PCDHGA5: variants seen among roughly 807,000 people sequenced by gnomAD.
The protein encoded by PCDHGA5 is protocadherin gamma subfamily A, 5, also known as protocadherin gamma-A5.
Under a neutral mutation model 56.7 loss-of-function variants are expected in PCDHGA5, and 36 were observed. The observed-to-expected ratio is 0.64, with a 90% CI of 0.49 to 0.84. PCDHGA5 has a LOEUF of 0.84. PCDHGA5 is among the 40% of genes least tolerant of loss of function. The pLI is 0.00. For synonymous variants in PCDHGA5, 563 were observed against 520.2 expected (o/e 1.08, Z -1.12); for missense variants, 1,305 against 1,201.5 (o/e 1.09, Z -1.27).
intron 1 of PCDHGA5, chr5:141,385,394 C>T: frequency 1.3e-5 from 19 of 1,499,976 alleles, no homozygotes; most frequent in Non-Finnish European, 1.7e-5. Context: ...TTTTGCAAAA[C>T]AAATGTTTTG....
At chr5:141,448,573 A>AT (rs976781630) in intron 1 of PCDHGA5, among the ~76,000 whole-genome samples, 10 of 151,772 alleles carry the variant, frequency 6.6e-5, no homozygotes, top group East Asian at 5.8e-4. Flanking sequence ...TTATTTCCCC[A>AT]TTTTTTTTAC....
At position 141,493,444 on chromosome 5, in the gene PCDHGA5, G is replaced by T. The variant is rs2099748313; in HGVS notation, c.2422-1363G>T. On this transcript the variant is annotated intron_variant, in intron 1 of 3. Transcript: ENST00000518069. This position sits in a 1 kb window ranked among gnomAD's most constrained non-coding sequence, Gnocchi z 4.3. ...GCTTCTGCTGGGATGGGGCAAGGGT[G>T]GGGTTCCTTCCCTTTTAGGACCTTA... Among the ~76,000 whole-genome samples, 1 of 152,174 alleles carries T rather than the reference G, an allele frequency of 6.6e-6. No homozygotes were observed. Among genetic ancestry groups the T allele is most frequent in the South Asian group, 2.1e-4 (1 of 4,826 alleles).
Position 141,476,949 on chromosome 5 carries a change from A to G in PCDHGA5, c.2422-17858A>G. The stretch of plus-strand genomic sequence containing the variant: ...GATCTGGATGAAGGCCCCAACGGTG[A>G]AATTATTTACTCCTTCGGCAGCCAC... On this transcript the variant is annotated intron_variant, in intron 1 of 3. Transcript: ENST00000518069. The surrounding 1 kb of genome is among the most constrained non-coding windows in gnomAD (Gnocchi z 7.6). 6.2e-7 allele frequency: 1 copy of G among 1,614,200 alleles called. No individual in the cohort carries two copies. Among genetic ancestry groups the G allele is most frequent in the Admixed American group, 1.7e-5 (1 of 60,038 alleles).
At chr5:141,483,258 T>G (rs2099579023) in intron 1 of PCDHGA5, among the ~76,000 whole-genome samples, 1 of 137,930 alleles carries the variant, frequency 7.3e-6, no homozygotes, top group South Asian at 2.1e-4. Flanking sequence ...TCATGAGGTT[T>G]TTTTGTTTTA....
intron 1 of PCDHGA5, chr5:141,393,809 A>G (rs566306926): frequency 1.9e-6 from 3 of 1,613,982 alleles, no homozygotes; most frequent in African/African-American, 1.3e-5. Context: ...GGAGGACCAA[A>G]TTGCTCATTT....
In PCDHGA5 at chr5:141,375,335, T is replaced by A. The variant is rs781205937; in HGVS notation, c.2421+8584T>A. On this transcript the variant is annotated intron_variant, in intron 1 of 3. Transcript: ENST00000518069. ...TCTAGACCGGGAAGAGGTATTCTTG[T>A]ACAACATCACTGTGACAGCCACGGA... is the stretch of plus-strand genomic sequence containing the variant. 1.7e-5 allele frequency: 27 copies of A among 1,613,694 alleles called. No homozygotes were observed. The Admixed American group carries it at 3.8e-4, about 23-fold the overall frequency.
At chr5:141,384,882 C>A in intron 1 of PCDHGA5, 1 of 1,613,872 alleles carries the variant, frequency 6.2e-7, no homozygotes, top group South Asian at 1.1e-5. Context: ...TCACACTCAC[C>A]GTGGCTGTGG....
At chr5:141,407,625 T>C (rs1354209573) in intron 1 of PCDHGA5, among the ~76,000 whole-genome samples, 2 of 152,220 alleles carry the variant, frequency 1.3e-5, no homozygotes, top group African/African-American at 4.8e-5. Context: ...ACATTCTATA[T>C]CTCGTATTAC....
chr5:141,489,610 C>G lies in PCDHGA5; in HGVS notation c.2422-5197C>G, dbSNP rs142775705. 3,083 of 1,614,088 alleles carry G rather than the reference C, an allele frequency of 1.9e-3. 6 individuals are homozygous for G. Among genetic ancestry groups the G allele is most frequent in the Non-Finnish European group, 2.4e-3 (2,793 of 1,179,988 alleles). ...GCTAATCCGTGTAGAGGTAGAGATC[C>G]TGGATCTCAATGACAACTCTCCTAG... On this transcript the variant is annotated intron_variant, in intron 1 of 3. Transcript: ENST00000518069. The surrounding 1 kb of genome is among the most constrained non-coding windows in gnomAD (Gnocchi z 4.5).
At position 141,427,172 on chromosome 5, in the gene PCDHGA5, TG is replaced by T. The variant is rs757372749; in HGVS notation, c.2421+60425del. ...ATATGTTTGTGCTAGACCATCAAAA[TG>T]GGGAAATTAAATCCAAAGACTTAAT... On this transcript the variant is annotated intron_variant, in intron 1 of 3. Coordinates refer to ENST00000518069, the MANE Select transcript of PCDHGA5 (RefSeq NM_018918.3). The T allele has an allele frequency of 3.9e-5, 18 of 456,596 alleles. 1 individual carries two copies. The highest frequency in any genetic ancestry group is 2.6e-4 in the South Asian group (17 of 64,568). 28.3% of individuals were successfully genotyped at this position (456,596 alleles called of 1,614,324 possible). A position where few individuals can be genotyped will look rare whatever the true frequency, so the allele number is the denominator to read the frequency against.
chr5:141,447,257 A>G (rs1182682161), intron 1 of PCDHGA5, among the ~76,000 whole-genome samples: 1 of 152,080 alleles, frequency 6.6e-6, no homozygotes, highest in Non-Finnish European at 1.5e-5. Flanking sequence ...CTTCTGTCTC[A>G]GCCTCCCAAG....
At chr5:141,438,607 T>C (rs924136790) in intron 1 of PCDHGA5, among the ~76,000 whole-genome samples, 2 of 27,412 alleles carry the variant, frequency 7.3e-5, no homozygotes. Flanking sequence ...TATATATATA[T>C]ATATATATAT....
Position 141,486,683 on chromosome 5 carries a change from G to T in PCDHGA5, c.2422-8124G>T. The T allele has an allele frequency of 6.2e-7, 1 of 1,614,092 alleles. No homozygotes were observed. Among genetic ancestry groups the T allele is most frequent in the Non-Finnish European group, 8.5e-7 (1 of 1,180,026 alleles). ...GGAGCCCAGGAATCGAGATGTATCA[G>T]CTTCCTCTTTCATCTCTCTGAACCC... On this transcript the variant is annotated intron_variant, in intron 1 of 3. Transcript: ENST00000518069. This position sits in a 1 kb window ranked among gnomAD's most constrained non-coding sequence, Gnocchi z 5.0.
chr5:141,393,465 G>T, intron 1 of PCDHGA5: 1 of 1,614,048 alleles, frequency 6.2e-7, no homozygotes, highest in Non-Finnish European at 8.5e-7. Context: ...CTCGGATGGC[G>T]GCAAGCCGCC....
intron 1 of PCDHGA5, among the ~76,000 whole-genome samples, chr5:141,458,336 GA>G (rs762646440): frequency 1.3e-5 from 2 of 152,118 alleles, no homozygotes; most frequent in Non-Finnish European, 2.9e-5. Context: ...TGGTTTTAAG[GA>G]GTGGAGAGTT....
intron 1 of PCDHGA5, chr5:141,418,426 C>A: frequency 6.2e-7 from 1 of 1,613,948 alleles, no homozygotes; most frequent in South Asian, 1.1e-5. Flanking sequence ...CTGATGGTGG[C>A]AAATATCCAG....
intron 1 of PCDHGA5, chr5:141,395,508 A>T: frequency 2.2e-6 from 1 of 461,184 alleles, no homozygotes. Context: ...CTTAAGAAGT[A>T]GCTACCCGTC....
chr5:141,383,144 G>A (rs1306014093), intron 1 of PCDHGA5: 19 of 1,614,132 alleles, frequency 1.2e-5, no homozygotes, highest in Non-Finnish European at 1.4e-5. Flanking sequence ...CAGCGCAGCG[G>A]CAGCTTGGTC....
At position 141,404,352 on chromosome 5, in the gene PCDHGA5, G is replaced by A. The variant is rs1378093484; in HGVS notation, c.2421+37601G>A. 1.7e-5 allele frequency: 27 copies of A among 1,613,812 alleles called. No individual in the cohort carries two copies. The South Asian group carries it at 2.9e-4, about 17-fold the overall frequency. On this transcript the variant is annotated intron_variant, in intron 1 of 3. Coordinates refer to ENST00000518069, the MANE Select transcript of PCDHGA5 (RefSeq NM_018918.3). ...GTCTACCTCCCGGAAAACAACGCCAGAGGTACTTCCATCTTCTCCGTGATT... is the reference window on the plus strand; with the variant it reads ...GTCTACCTCCCGGAAAACAACGCCAAAGGTACTTCCATCTTCTCCGTGATT...
Sources: allele counts gnomAD v4.1 joint callset (sites outside exome capture counted in the v4.1 genomes callset), GRCh38; gene constraint gnomAD v4.1.1; non-coding constraint Gnocchi (gnomAD v3.1); transcripts MANE v1.5; gene names NCBI Gene and HGNC (gene_info 2026-07-23, HGNC 2026-07-21).